Variants in CREB5 observed in about 807,000 individuals in gnomAD.
CREB5 encodes the protein cAMP responsive element binding protein 5.
Under a neutral mutation model 57.1 loss-of-function variants are expected in CREB5, and 19 were observed. The observed-to-expected ratio is 0.33, with a 90% CI of 0.23 to 0.49. The LOEUF is 0.49. CREB5 is among the 20% of genes least tolerant of loss of function. The probability of loss-of-function intolerance (pLI) is 0.99; values close to 1 mark genes in which losing one functional copy is unlikely to be tolerated. For missense variants in CREB5, 579 were observed against 671.6 expected (o/e 0.86, Z 1.52); for synonymous variants, 238 against 238.3 (o/e 1.00, Z 0.01).
At chr7:28,569,663 C>A (rs971017205) in intron 4 of CREB5, among the ~76,000 whole-genome samples, 7 of 152,080 alleles carry the variant, frequency 4.6e-5, no homozygotes, top group African/African-American at 1.4e-4. Flanking sequence ...ATCCTATGTT[C>A]CAGAGGAAAA....
chr7:28,660,703 C>A (rs1370479766), intron 5 of CREB5, among the ~76,000 whole-genome samples: 1 of 152,108 alleles, frequency 6.6e-6, no homozygotes, highest in East Asian at 1.9e-4. Flanking sequence ...ATTATGCCCC[C>A]ACCCCTTCAC....
intron 4 of CREB5, among the ~76,000 whole-genome samples, chr7:28,511,475 C>T (rs1792698046): frequency 6.6e-6 from 1 of 152,058 alleles, no homozygotes; most frequent in East Asian, 1.9e-4. Flanking sequence ...AGATGGGAAA[C>T]TATAGGACAA....
At chr7:28,430,060 A>G (rs1390489931) in intron 1 of CREB5, among the ~76,000 whole-genome samples, 1 of 152,204 alleles carries the variant, frequency 6.6e-6, no homozygotes, top group African/African-American at 2.4e-5. Flanking sequence ...TGAGGGAATT[A>G]TATCTCTACT....
At position 28,583,197 on chromosome 7, in the gene CREB5, G is replaced by A. The variant is rs1271819625; in HGVS notation, c.464+12660G>A. Among the ~76,000 whole-genome samples, 3 of 152,306 alleles carry A rather than the reference G, an allele frequency of 2.0e-5. No homozygotes were observed. The East Asian group carries it at 5.8e-4, about 29-fold the overall frequency. ...CAAAGGGCTCTTCAGCAAGAGCATA[G>A]TTTGAAAACTACAAAATTGGAAGAT... On this transcript the variant is annotated intron_variant, in intron 5 of 10. Transcript: ENST00000357727.
intron 7 of CREB5, among the ~76,000 whole-genome samples, chr7:28,748,559 A>C (rs1804800882): frequency 6.6e-6 from 1 of 152,236 alleles, no homozygotes; most frequent in Admixed American, 6.5e-5. Context: ...GTTCTGGAGA[A>C]AATTCTTTAA....
chr7:28,435,289 G>A (rs556097091), intron 1 of CREB5, among the ~76,000 whole-genome samples: 1 of 151,978 alleles, frequency 6.6e-6, no homozygotes, highest in Non-Finnish European at 1.5e-5. Context: ...CCTTGTGTGG[G>A]CTTGTGAAAA....
intron 5 of CREB5, among the ~76,000 whole-genome samples, chr7:28,664,584 A>G (rs1007315068): frequency 3.9e-5 from 6 of 152,030 alleles, no homozygotes; most frequent in Non-Finnish European, 7.4e-5. Flanking sequence ...AAGGGTGACC[A>G]TTGAATTGGA....
At chr7:28,573,578 C>T (rs746688194) in intron 5 of CREB5, among the ~76,000 whole-genome samples, 2 of 152,222 alleles carry the variant, frequency 1.3e-5, no homozygotes, top group Non-Finnish European at 2.9e-5. Flanking sequence ...CCCCCCTCTT[C>T]CCTTCCCTTC....
chr7:28,577,403 G>T (rs1488202616), intron 5 of CREB5, among the ~76,000 whole-genome samples: 3 of 152,160 alleles, frequency 2.0e-5, no homozygotes, highest in Non-Finnish European at 4.4e-5. Context: ...AAAGGGAGGG[G>T]TCCTAACATA....
In CREB5 at chr7:28,523,254, G is replaced by A. The variant is rs564157279; in HGVS notation, c.291+15517G>A. On this transcript the variant is annotated intron_variant, in intron 4 of 10. Coordinates refer to ENST00000357727, the MANE Select transcript of CREB5 (RefSeq NM_182898.4). The stretch of plus-strand genomic sequence containing the variant: ...AAGATTAATTACTGGTATATAAGCC[G>A]TGCTATGTATTAATTTGTTTAAATG... 3.3e-5 allele frequency among the ~76,000 whole-genome samples: 5 copies of A among 152,122 alleles called. No individual in the cohort carries two copies. In the South Asian group the frequency reaches 6.2e-4, roughly 19 times the overall value.
chr7:28,439,409 A>G (rs1372513952), intron 1 of CREB5, among the ~76,000 whole-genome samples: 1 of 152,190 alleles, frequency 6.6e-6, no homozygotes, highest in Non-Finnish European at 1.5e-5. Flanking sequence ...GCCTTTGCAC[A>G]TGCCATTCTG....
intron 1 of CREB5, among the ~76,000 whole-genome samples, chr7:28,485,068 G>C (rs555534369): frequency 6.6e-6 from 1 of 152,162 alleles, no homozygotes; most frequent in Admixed American, 6.5e-5. Context: ...TGAATTTCTG[G>C]GGAATGTCAG....
chr7:28,604,626 T>A (rs1227706654), intron 5 of CREB5, among the ~76,000 whole-genome samples: 3 of 151,150 alleles, frequency 2.0e-5, no homozygotes, highest in African/African-American at 7.3e-5. Context: ...AAATATTAAA[T>A]AATAAAATAA....
intron 5 of CREB5, among the ~76,000 whole-genome samples, chr7:28,670,014 C>T (rs980650951): frequency 6.6e-6 from 1 of 152,148 alleles, no homozygotes; most frequent in African/African-American, 2.4e-5. Context: ...CTGCCACATG[C>T]GAGAGAAAGT....
At chr7:28,560,953 T>TGCGTGTGCGTGC (rs1382287502) in intron 4 of CREB5, among the ~76,000 whole-genome samples, 9 of 47,184 alleles carry the variant, frequency 1.9e-4, no homozygotes, top group African/African-American at 8.8e-4. Context: ...TGTGTGTGCG[T>TGCGTGTGCGTGC]GTGTGTGCGT....
intron 1 of CREB5, among the ~76,000 whole-genome samples, chr7:28,346,835 C>CAGTGGATCTACTGCA (rs138391533): frequency 6.6e-6 from 1 of 151,948 alleles, no homozygotes; most frequent in Non-Finnish European, 1.5e-5. Flanking sequence ...ACATCCACCA[C>CAGTGGATCTACTGCA]AGCTACAACT....
At chr7:28,785,244 G>A (rs548164719) in intron 7 of CREB5, among the ~76,000 whole-genome samples, 83 of 152,318 alleles carry the variant, frequency 5.4e-4, no homozygotes, top group African/African-American at 1.9e-3. Flanking sequence ...CATCTGGGTC[G>A]TATGTCCCAG....
At chr7:28,417,752 C>T (rs1788084298) in intron 1 of CREB5, among the ~76,000 whole-genome samples, 1 of 152,176 alleles carries the variant, frequency 6.6e-6, no homozygotes, top group Non-Finnish European at 1.5e-5. Context: ...GTAAAGCGTT[C>T]ATTCAGAGTT....
At chr7:28,768,632 G>C (rs1222228773) in intron 7 of CREB5, among the ~76,000 whole-genome samples, 2 of 152,164 alleles carry the variant, frequency 1.3e-5, no homozygotes, top group Non-Finnish European at 2.9e-5. Flanking sequence ...GTGTGTGTTT[G>C]AGGGAAGAAG....
Sources: gnomAD v4.1 joint callset for allele counts (sites outside exome capture counted in the v4.1 genomes callset) on GRCh38, gnomAD v4.1.1 for gene constraint, MANE v1.5 for transcripts, NCBI Gene and HGNC (gene_info 2026-07-23, HGNC 2026-07-21) for gene names.